SYNE1: variants seen among roughly 807,000 people sequenced by gnomAD.
The protein encoded by SYNE1 is spectrin repeat containing nuclear envelope protein 1, also known as nesprin-1.
SYNE1 carries 616 observed loss-of-function variants against 1,111.0 expected under a neutral mutation model. The ratio of observed to expected loss-of-function variants is 0.55; its 90% CI spans 0.52 to 0.59. The LOEUF is 0.59. SYNE1 is among the 20% of genes least tolerant of loss of function. The pLI is 0.00. For synonymous variants in SYNE1, 3,855 were observed against 3,825.8 expected, an observed-to-expected ratio of 1.01 and a Z score of -0.28; for missense variants, 10,006 against 10,417.0, an observed-to-expected ratio of 0.96 and a Z score of 1.72.
At chr6:152,387,767 G>A (rs1232169839) in intron 53 of SYNE1, among the ~76,000 whole-genome samples, 4 of 152,064 alleles carry the variant, frequency 2.6e-5, no homozygotes, top group Non-Finnish European at 5.9e-5. Flanking sequence ...ATTATCAATA[G>A]TTTATCTTAT....
At chr6:152,227,316 T>C (rs1292510489) in intron 115 of SYNE1, among the ~76,000 whole-genome samples, 4 of 152,196 alleles carry the variant, frequency 2.6e-5, no homozygotes, top group East Asian at 1.9e-4. Flanking sequence ...ATGCAAGATA[T>C]TATTATGTTT....
intron 144 of SYNE1, 121 bp downstream of exon 144, chr6:152,132,001 C>G: frequency 1.2e-6 from 1 of 844,888 alleles, no homozygotes; most frequent in Admixed American, 1.9e-5. Context: ...GCGCGCTACC[C>G]TGTGTGACAG....
Position 152,325,167 on chromosome 6 carries a change from A to C in SYNE1, c.15574T>G (p.Trp5192Gly), listed in dbSNP as rs969846360. ...SRSMTTVWQR[W>G]TRLRAVAQDQ... ...TGGGCCACAGCTCGAAGGCGTGTCCAGCGCTGCCAGACGGTGGTCATTGAC... is the reference window on the plus strand; with the variant it reads ...TGGGCCACAGCTCGAAGGCGTGTCCCGCGCTGCCAGACGGTGGTCATTGAC... Residue 5192 changes from tryptophan (W) to glycine (G), a missense_variant, in exon 81 of 146, where the codon TGG becomes GGG. Physicochemically the swap from Trp to Gly is radical, Grantham distance 184. Around this residue, in one of 7 missense-constraint regions of SYNE1, gnomAD observed 4,955 missense variants for 5,017.2 expected, o/e 0.99. Transcript: ENST00000367255. 6.2e-7 allele frequency: 1 copy of C among 1,614,096 alleles called. No individual in the cohort carries two copies. Among genetic ancestry groups the C allele is most frequent in the Admixed American group, 1.7e-5 (1 of 60,004 alleles).
At chr6:152,312,618 A>C (rs2095589021) in intron 87 of SYNE1, among the ~76,000 whole-genome samples, 1 of 148,240 alleles carries the variant, frequency 6.7e-6, no homozygotes, top group African/African-American at 2.4e-5. Flanking sequence ...TATATTTATT[A>C]ATAATTTAAT....
chr6:152,532,812 A>G (rs2099210923), intron 4 of SYNE1, among the ~76,000 whole-genome samples: 1 of 152,130 alleles, frequency 6.6e-6, no homozygotes, highest in Non-Finnish European at 1.5e-5. Context: ...ATGTAGAAAA[A>G]TTCCCATCCC....
chr6:152,268,252 A>T, intron 99 of SYNE1, 87 bp from the exon 100 acceptor site: 1 of 1,083,846 alleles, frequency 9.2e-7, no homozygotes, highest in Non-Finnish European at 1.4e-6. Context: ...AAATTCTCAG[A>T]GAACTTCGGT....
rs1435678922 is a variant in SYNE1, at chr6:152,225,793, T to C, written c.21279A>G (p.Lys7093=). The change falls in exon 116 of 146, where the codon AAA becomes AAG. Residue 7093 remains lysine, a synonymous_variant. Transcript: ENST00000367255. ...QNGLALIQNK[K]EDVSSIVMST... is the part of the protein sequence containing the mutation. Reference sequence around the variant, plus strand: ...TCATGACAATGCTAGAGACGTCTTCTTTCTTGTTCTGAATCAAAGCAAGTC... The same window carrying C: ...TCATGACAATGCTAGAGACGTCTTCCTTCTTGTTCTGAATCAAAGCAAGTC... The C allele has an allele frequency of 3.7e-6, 6 of 1,614,050 alleles. No homozygotes were observed. Among genetic ancestry groups the C allele is most frequent in the Non-Finnish European group, 5.1e-6 (6 of 1,180,026 alleles).
Position 152,171,308 on chromosome 6 carries a change from G to A in SYNE1, c.23627+5086C>T, listed in dbSNP as rs116823408. ...AGCTGAAGCCCGAAGCCAATGCTTT[G>A]CTTTGTGTATGCTTTCATTTGTGTG... is the stretch of plus-strand genomic sequence containing the variant. On this transcript the variant is annotated intron_variant, in intron 130 of 145. Coordinates refer to ENST00000367255, the MANE Select transcript of SYNE1 (RefSeq NM_182961.4). 2.7e-3 allele frequency among the ~76,000 whole-genome samples: 405 copies of A among 152,330 alleles called. 4 individuals carry two copies. Among genetic ancestry groups the A allele is most frequent in the African/African-American group, 9.4e-3 (391 of 41,582 alleles).
At chr6:152,487,029 CAATTTTTATT>C (rs1028225883) in intron 12 of SYNE1, among the ~76,000 whole-genome samples, 1 of 152,146 alleles carries the variant, frequency 6.6e-6, no homozygotes, top group Non-Finnish European at 1.5e-5. Context: ...AAATAAATCA[CAATTTTTATT>C]AATTTTTATT....
At chr6:152,523,332 T>G (rs1203766362) in intron 5 of SYNE1, among the ~76,000 whole-genome samples, 1 of 152,116 alleles carries the variant, frequency 6.6e-6, no homozygotes, top group African/African-American at 2.4e-5. Flanking sequence ...AATCTACATT[T>G]TTGAATGCTT....
chr6:152,329,312 C>T (rs939255063), intron 78 of SYNE1, among the ~76,000 whole-genome samples: 21 of 152,106 alleles, frequency 1.4e-4, no homozygotes, highest in Admixed American at 5.2e-4. Flanking sequence ...GATCGTTTGA[C>T]GTCAGGAGTT....
rs181403521 is a variant in SYNE1 at position 152,170,992 on chromosome 6, T to C, written c.23627+5402A>G. 5.9e-5 allele frequency among the ~76,000 whole-genome samples: 9 copies of C among 152,302 alleles called. No homozygotes were observed. The East Asian group carries it at 1.2e-3, about 20-fold the overall frequency. On this transcript the variant is annotated intron_variant, in intron 130 of 145. Coordinates refer to ENST00000367255, the MANE Select transcript of SYNE1 (RefSeq NM_182961.4). ...AAGGGGTTTCCCCTTTTGCCTGGCT[T>C]TCATTCTCTCCTGTCTGCCACCATG...
At chr6:152,480,928 T>C in intron 14 of SYNE1, 1 of 397,838 alleles carries the variant, frequency 2.5e-6, no homozygotes, top group South Asian at 1.9e-5. Context: ...GAGATTGTTC[T>C]AGCTGTATTC....
intron 145 of SYNE1, chr6:152,125,332 G>C (rs1473107167): frequency 6.5e-7 from 1 of 1,550,214 alleles, no homozygotes; most frequent in Admixed American, 2.0e-5. Context: ...GGAAACAAGT[G>C]GTTTCCTCGT....
intron 3 of SYNE1, among the ~76,000 whole-genome samples, chr6:152,569,893 C>T (rs1248119203): frequency 6.6e-6 from 1 of 152,166 alleles, no homozygotes; most frequent in African/African-American, 2.4e-5. Flanking sequence ...TGAGGCCATA[C>T]TTTCATAAAA....
At chr6:152,530,916 T>C (rs1056862787) in intron 4 of SYNE1, among the ~76,000 whole-genome samples, 1 of 151,890 alleles carries the variant, frequency 6.6e-6, no homozygotes, top group African/African-American at 2.4e-5. Context: ...AGCCACCACA[T>C]CCCGCCGTGT....
intron 3 of SYNE1, among the ~76,000 whole-genome samples, chr6:152,591,085 T>G (rs917021087): frequency 1.1e-4 from 17 of 152,232 alleles, no homozygotes; most frequent in African/African-American, 3.6e-4. Context: ...GTAATTCTCC[T>G]TTTAGAGATC....
intron 75 of SYNE1, among the ~76,000 whole-genome samples, chr6:152,338,220 T>C (rs771206911): frequency 1.5e-4 from 23 of 152,222 alleles, no homozygotes; most frequent in Non-Finnish European, 2.6e-4. Context: ...TTGATAATAT[T>C]AAAGAGAAAA....
At position 152,133,426 on chromosome 6, in the gene SYNE1, G is replaced by C. The variant is rs781236317; in HGVS notation, c.25851C>G (p.Cys8617Trp). 1 of 1,613,998 alleles carries C rather than the reference G, an allele frequency of 6.2e-7. No homozygotes were observed. Among genetic ancestry groups the C allele is most frequent in the African/African-American group, 1.3e-5 (1 of 74,888 alleles). Reference sequence around the variant, plus strand: ...TTCCTTCAGCATTCACCAGTAGTTGGCAAGACATGTCTTGCAAAGAGGCTA... The same window carrying C: ...TTCCTTCAGCATTCACCAGTAGTTGCCAAGACATGTCTTGCAAAGAGGCTA... ...LRVASLQDMS[C>W]QLLVNAEGTD... The change falls in exon 143 of 146, where the codon TGC (cysteine) becomes TGG (tryptophan). Residue 8617 changes from cysteine (C) to tryptophan (W), a missense_variant. By Grantham distance (215) the Cys-to-Trp change is radical. Coordinates refer to ENST00000367255, the MANE Select transcript of SYNE1 (RefSeq NM_182961.4).
Sources: allele counts gnomAD v4.1 joint callset (sites outside exome capture counted in the v4.1 genomes callset), GRCh38; gene constraint gnomAD v4.1.1; regional missense constraint gnomAD v4.1.1; transcripts MANE v1.5; gene names NCBI Gene and HGNC (gene_info 2026-07-23, HGNC 2026-07-21).